ULK4: variants seen among roughly 807,000 people sequenced by gnomAD.
ULK4 encodes the protein inactive serine/threonine-protein kinase ULK4.
ULK4 carries 133 observed loss-of-function variants against 160.6 expected under a neutral mutation model. That is an observed-to-expected ratio of 0.83 (90% CI 0.72 to 0.96). The LOEUF is 0.96. ULK4 is among the 40% of genes least tolerant of loss of function. The pLI, the probability that ULK4 is intolerant of heterozygous loss-of-function variation, is 0.00. For synonymous variants in ULK4, 534 were observed against 539.8 expected, an observed-to-expected ratio of 0.99 and a Z score of 0.15; for missense variants, 1,580 against 1,499.5, an observed-to-expected ratio of 1.05 and a Z score of -0.89.
chr3:41,703,740 C>A (rs2036761926), intron 27 of ULK4, among the ~76,000 whole-genome samples: 1 of 151,764 alleles, frequency 6.6e-6, no homozygotes, highest in Non-Finnish European at 1.5e-5. Flanking sequence ...ATTTCCAAAT[C>A]TGTCTTAAAA....
rs369408482 is a variant in ULK4 at position 41,789,815 on chromosome 3, G to T, written c.2039C>A (p.Pro680His). The T allele has an allele frequency of 3.7e-6, 6 of 1,612,130 alleles. No homozygotes were observed. In the African/African-American group the frequency reaches 8.0e-5, roughly 22 times the overall value. The stretch of plus-strand genomic sequence containing the variant: ...TTCAATAACATTCTGGAAGGCAGTA[G>T]GAGAATGGCGAGTGATTCTACACAA... ...SALCRITRHS[P>H]TAFQNVIEKV... Residue 680 changes from proline (P) to histidine (H), a missense_variant, in exon 21 of 37, where the codon CCT becomes CAT. By Grantham distance (77) the Pro-to-His change is moderately conservative (BLOSUM62 -2). Transcript: ENST00000301831.
At chr3:41,408,203 C>T (rs1008173347) in intron 34 of ULK4, among the ~76,000 whole-genome samples, 2 of 151,316 alleles carry the variant, frequency 1.3e-5, no homozygotes, top group African/African-American at 4.9e-5. Context: ...CCGAGGTGGG[C>T]GGATCACGAG....
chr3:41,284,226 C>G (rs561616154), intron 35 of ULK4, among the ~76,000 whole-genome samples: 1 of 152,016 alleles, frequency 6.6e-6, no homozygotes, highest in Admixed American at 6.6e-5. Context: ...TAATTCTTCA[C>G]AAAATTAGAA....
intron 32 of ULK4, among the ~76,000 whole-genome samples, chr3:41,481,849 A>C (rs1425602350): frequency 6.7e-6 from 1 of 149,426 alleles, no homozygotes; most frequent in Non-Finnish European, 1.5e-5. Flanking sequence ...AAAAAAAAAG[A>C]ACAAAAGCAT....
intron 32 of ULK4, among the ~76,000 whole-genome samples, chr3:41,492,742 AC>A (rs1304913847): frequency 6.6e-6 from 1 of 151,392 alleles, no homozygotes; most frequent in Non-Finnish European, 1.5e-5. Context: ...GATCTACCAA[AC>A]AAATGGAAAA....
chr3:41,295,144 C>T (rs1269480524), intron 35 of ULK4, among the ~76,000 whole-genome samples: 1 of 152,224 alleles, frequency 6.6e-6, no homozygotes, highest in Admixed American at 6.5e-5. Flanking sequence ...AACAGACCCA[C>T]ATAAATACAG....
At position 41,914,458 on chromosome 3, in the gene ULK4, A is replaced by G. The variant is rs938192096; in HGVS notation, c.803+1519T>C. On this transcript the variant is annotated intron_variant, in intron 8 of 36. Coordinates refer to ENST00000301831, the MANE Select transcript of ULK4 (RefSeq NM_017886.4). ...AGTGGGAGGGAAGGAGCTTTCTAAC[A>G]TATTGTTGCTGGGAGTGTAAATCAG... Among the ~76,000 whole-genome samples, 13 of 152,340 alleles carry G rather than the reference A, an allele frequency of 8.5e-5. No individual in the cohort carries two copies. In the East Asian group the frequency reaches 2.5e-3, roughly 29 times the overall value.
At chr3:41,747,758 C>G (rs541784720) in intron 22 of ULK4, among the ~76,000 whole-genome samples, 1 of 152,098 alleles carries the variant, frequency 6.6e-6, no homozygotes, top group South Asian at 2.1e-4. Flanking sequence ...AAGGAAAGGC[C>G]ATGCGAGGAC....
chr3:41,407,648 A>C (rs1229141636), intron 34 of ULK4, among the ~76,000 whole-genome samples: 1 of 152,222 alleles, frequency 6.6e-6, no homozygotes, highest in Non-Finnish European at 1.5e-5. Context: ...CAATAGTCAC[A>C]AAAGCAGCAT....
intron 32 of ULK4, among the ~76,000 whole-genome samples, chr3:41,563,987 T>C (rs1201739849): frequency 6.6e-6 from 1 of 152,226 alleles, no homozygotes; most frequent in African/African-American, 2.4e-5. Flanking sequence ...TTTCTCCCCA[T>C]CTTTGTGGTT....
At chr3:41,249,291 A>T (rs759461646) in intron 36 of ULK4, among the ~76,000 whole-genome samples, 198 bp downstream of exon 36, 2 of 151,782 alleles carry the variant, frequency 1.3e-5, no homozygotes, top group Non-Finnish European at 1.5e-5. Context: ...CACTTTCCCC[A>T]CCATAACTGG....
At chr3:41,658,737 A>ACACACACACACACACT (rs371916129) in intron 30 of ULK4, among the ~76,000 whole-genome samples, 4 of 151,062 alleles carry the variant, frequency 2.6e-5, no homozygotes, top group African/African-American at 9.7e-5. Context: ...GTACACACAC[A>ACACACACACACACACT]CACACACACA....
chr3:41,876,230 T>G (rs945172857), intron 17 of ULK4, among the ~76,000 whole-genome samples: 1 of 152,148 alleles, frequency 6.6e-6, no homozygotes, highest in African/African-American at 2.4e-5. Flanking sequence ...GAGCACCAAG[T>G]TGTTTCTTAT....
intron 22 of ULK4, among the ~76,000 whole-genome samples, chr3:41,724,529 C>T (rs1244176590): frequency 1.3e-5 from 2 of 152,088 alleles, no homozygotes; most frequent in Non-Finnish European, 2.9e-5. Flanking sequence ...TCGAGACCAT[C>T]CTGGCTAACA....
chr3:41,745,811 C>T (rs2038400092), intron 22 of ULK4, among the ~76,000 whole-genome samples: 1 of 151,480 alleles, frequency 6.6e-6, no homozygotes, highest in Non-Finnish European at 1.5e-5. Flanking sequence ...CACACTGTGA[C>T]CACGTGAGAT....
intron 18 of ULK4, among the ~76,000 whole-genome samples, chr3:41,829,792 C>G (rs1202286871): frequency 6.8e-6 from 1 of 146,478 alleles, no homozygotes; most frequent in Non-Finnish European, 1.5e-5. Flanking sequence ...CATCCCATTA[C>G]TGGGTATATA....
chr3:41,393,671 T>A (rs2082000169), intron 35 of ULK4, among the ~76,000 whole-genome samples: 1 of 152,156 alleles, frequency 6.6e-6, no homozygotes, highest in Non-Finnish European at 1.5e-5. Context: ...CAAGATCATG[T>A]CTTACTGTTT....
chr3:41,436,054 G>A (rs535959049), intron 34 of ULK4, among the ~76,000 whole-genome samples: 8 of 152,280 alleles, frequency 5.3e-5, no homozygotes, highest in African/African-American at 1.4e-4. Flanking sequence ...GTGGGAAAGC[G>A]ATACGCATTC....
intron 34 of ULK4, among the ~76,000 whole-genome samples, chr3:41,434,116 CA>C (rs1211395110): frequency 6.6e-6 from 1 of 152,122 alleles, no homozygotes; most frequent in Non-Finnish European, 1.5e-5. Flanking sequence ...ACACACAATA[CA>C]AAGATTATCA....
Sources: allele counts gnomAD v4.1 joint callset (sites outside exome capture counted in the v4.1 genomes callset), GRCh38; gene constraint gnomAD v4.1.1; transcripts MANE v1.5; gene names NCBI Gene and HGNC (gene_info 2026-07-23, HGNC 2026-07-21).